CA10: variants seen among roughly 807,000 people sequenced by gnomAD.
CA10 encodes the protein carbonic anhydrase-related protein 10.
CA10 carries 14 observed loss-of-function variants against 44.2 expected under a neutral mutation model. That is an observed-to-expected ratio of 0.32 (90% CI 0.21 to 0.50). The LOEUF (loss-of-function observed/expected upper bound fraction) is 0.50, where lower values mean the gene tolerates loss of function less well. CA10 is among the 20% of genes least tolerant of loss of function. The pLI is 0.99. For synonymous variants in CA10, 159 were observed against 141.6 expected (o/e 1.12, Z -0.87); for missense variants, 350 against 409.7 (o/e 0.85, Z 1.26).
intron 2 of CA10, among the ~76,000 whole-genome samples, chr17:51,978,917 T>C (rs1022251014): frequency 6.6e-6 from 1 of 152,128 alleles, no homozygotes; most frequent in Non-Finnish European, 1.5e-5. Context: ...GTAACTCAGT[T>C]ACATTCAAAT....
At chr17:51,999,121 T>C (rs1985336455) in intron 2 of CA10, among the ~76,000 whole-genome samples, 1 of 152,006 alleles carries the variant, frequency 6.6e-6, no homozygotes, top group African/African-American at 2.4e-5. Context: ...TAAGTAGACA[T>C]CAAGAAAAAG....
intron 4 of CA10, among the ~76,000 whole-genome samples, chr17:51,738,232 A>C (rs1339395678): frequency 6.6e-6 from 1 of 152,232 alleles, no homozygotes; most frequent in South Asian, 2.1e-4. Context: ...TGTTTCAGCA[A>C]AAGTTTATCG....
At chr17:51,787,021 T>A (rs975776943) in intron 3 of CA10, among the ~76,000 whole-genome samples, 5 of 152,208 alleles carry the variant, frequency 3.3e-5, no homozygotes, top group Admixed American at 1.3e-4. Flanking sequence ...CCAGGGATAA[T>A]CTCACTTGGC....
intron 1 of CA10, among the ~76,000 whole-genome samples, chr17:52,107,462 T>C (rs551995245): frequency 2.0e-5 from 3 of 152,198 alleles, no homozygotes; most frequent in Non-Finnish European, 2.9e-5. Context: ...AAACATAGGA[T>C]TTATTCCTCA....
At chr17:52,084,887 T>A (rs1988078578) in intron 1 of CA10, among the ~76,000 whole-genome samples, 1 of 152,168 alleles carries the variant, frequency 6.6e-6, no homozygotes, top group South Asian at 2.1e-4. Flanking sequence ...TTAGAAAATG[T>A]ATAAGAGTTC....
At chr17:51,873,754 C>T (rs1979923926) in intron 3 of CA10, among the ~76,000 whole-genome samples, 1 of 152,154 alleles carries the variant, frequency 6.6e-6, no homozygotes, top group Non-Finnish European at 1.5e-5. Context: ...AAGCAGCTCT[C>T]CTGGTTTCCA....
Position 51,653,454 on chromosome 17 carries a change from T to TATTTTGCATCTCACTGCAAAAATGATA in CA10, c.561+186_561+187insTATCATTTTTGCAGTGAGATGCAAAAT, listed in dbSNP as rs531513913. Among the ~76,000 whole-genome samples, 851 of 152,264 alleles carry TATTTTGCATCTCACTGCAAAAATGATA rather than the reference T, an allele frequency of 5.6e-3. 8 individuals are homozygous for TATTTTGCATCTCACTGCAAAAATGATA. The highest frequency in any genetic ancestry group is 6.8e-3 in the Middle Eastern group (2 of 294). On this transcript the variant is annotated intron_variant, in intron 5 of 8. Transcript: ENST00000451037. Reference sequence around the variant, plus strand: ...AGATGCTCTGAAATGGAGATTATCATTTTTGCATCTCACTGCAGGGGGCCT... The same window carrying TATTTTGCATCTCACTGCAAAAATGATA: ...AGATGCTCTGAAATGGAGATTATCATATTTTGCATCTCACTGCAAAAATGATATTTTGCATCTCACTGCAGGGGGCCT...
At chr17:51,809,780 C>T (rs1907283735) in intron 3 of CA10, among the ~76,000 whole-genome samples, 1 of 152,090 alleles carries the variant, frequency 6.6e-6, no homozygotes, top group Admixed American at 6.6e-5. Flanking sequence ...TGCTGGGGTG[C>T]AGAAGGGAAG....
chr17:52,133,280 G>A (rs140039835), intron 1 of CA10, among the ~76,000 whole-genome samples: 7 of 152,312 alleles, frequency 4.6e-5, no homozygotes, highest in East Asian at 3.9e-4. Flanking sequence ...TGGGGCATCC[G>A]TCCTCTGGGC....
At chr17:51,665,483 G>A (rs915279065) in intron 4 of CA10, among the ~76,000 whole-genome samples, 29 of 152,160 alleles carry the variant, frequency 1.9e-4, no homozygotes, top group African/African-American at 7.0e-4. Flanking sequence ...GGGAAATATA[G>A]GATGTTGCCT....
chr17:51,854,262 G>A (rs1978936605), intron 3 of CA10, among the ~76,000 whole-genome samples: 1 of 152,160 alleles, frequency 6.6e-6, no homozygotes. Context: ...GGCAGGGGTG[G>A]CAGCAGCTTC....
intron 1 of CA10, among the ~76,000 whole-genome samples, chr17:52,141,174 T>A (rs1212602910): frequency 6.6e-6 from 1 of 152,158 alleles, no homozygotes; most frequent in Non-Finnish European, 1.5e-5. Context: ...CTTTCCCCCA[T>A]AATGTTTACC....
At chr17:51,833,943 A>T (rs1179284573) in intron 3 of CA10, among the ~76,000 whole-genome samples, 18 of 152,246 alleles carry the variant, frequency 1.2e-4, no homozygotes, top group Admixed American at 1.2e-3. Context: ...CGGAGAAGCC[A>T]CTGGAGGCAC....
At chr17:51,827,758 G>T (rs1196361723) in intron 3 of CA10, among the ~76,000 whole-genome samples, 2 of 152,150 alleles carry the variant, frequency 1.3e-5, no homozygotes, top group Non-Finnish European at 2.9e-5. Flanking sequence ...GCACAGACTG[G>T]CTAGCTCTTT....
Position 51,873,413 on chromosome 17 carries a change from G to A in CA10, c.279+57577C>T, listed in dbSNP as rs189291540. Among the ~76,000 whole-genome samples the A allele has an allele frequency of 1.4e-4, 22 of 152,282 alleles. No homozygotes were observed. The East Asian group carries it at 3.1e-3, about 21-fold the overall frequency. On this transcript the variant is annotated intron_variant, in intron 3 of 8. Coordinates refer to ENST00000451037, the MANE Select transcript of CA10 (RefSeq NM_020178.5). ...CTCCTTCACAGAGTGCAGTGCATTAGGTAGTTGGCACTCAGCAATCGTTCT... is the reference window on the plus strand; with the variant it reads ...CTCCTTCACAGAGTGCAGTGCATTAAGTAGTTGGCACTCAGCAATCGTTCT...
At chr17:51,701,037 A>G (rs1317510153) in intron 4 of CA10, among the ~76,000 whole-genome samples, 1 of 152,190 alleles carries the variant, frequency 6.6e-6, no homozygotes, top group Admixed American at 6.5e-5. Flanking sequence ...ACGTATACCT[A>G]TGAAACAACC....
intron 2 of CA10, among the ~76,000 whole-genome samples, chr17:52,011,350 G>T (rs981092323): frequency 2.6e-5 from 4 of 151,952 alleles, no homozygotes; most frequent in African/African-American, 9.7e-5. Flanking sequence ...AATGAAGTTT[G>T]TCCTGAGGGT....
chr17:51,860,773 T>C (rs1979267302), intron 3 of CA10, among the ~76,000 whole-genome samples: 1 of 152,170 alleles, frequency 6.6e-6, no homozygotes, highest in Non-Finnish European at 1.5e-5. Flanking sequence ...TATTGATTTA[T>C]CTCTCCCACT....
intron 3 of CA10, among the ~76,000 whole-genome samples, chr17:51,860,772 A>C (rs1206038143): frequency 3.3e-5 from 5 of 152,174 alleles, no homozygotes; most frequent in Non-Finnish European, 5.9e-5. Flanking sequence ...TTATTGATTT[A>C]TCTCTCCCAC....
Sources: allele counts gnomAD v4.1 joint callset (sites outside exome capture counted in the v4.1 genomes callset), GRCh38; gene constraint gnomAD v4.1.1; transcripts MANE v1.5; gene names NCBI Gene and HGNC (gene_info 2026-07-23, HGNC 2026-07-21).